CALCR: variants seen among roughly 807,000 people sequenced by gnomAD.
CALCR encodes calcitonin receptor.
A neutral mutation model predicts 59.5 loss-of-function variants in CALCR; 47 were observed. The ratio of observed to expected loss-of-function variants is 0.79; its 90% CI spans 0.63 to 1.01. The LOEUF is 1.01. CALCR is among the 50% of genes least tolerant of loss of function. The pLI, the probability that CALCR is intolerant of heterozygous loss-of-function variation, is 0.00. For synonymous variants in CALCR, 213 were observed against 211.3 expected (o/e 1.01, Z -0.07); for missense variants, 566 against 597.1 (o/e 0.95, Z 0.54).
At chr7:93,560,160 T>G (rs1017061648) in intron 2 of CALCR, among the ~76,000 whole-genome samples, 8 of 152,108 alleles carry the variant, frequency 5.3e-5, no homozygotes, top group Admixed American at 2.6e-4. Context: ...CTTTGAGGAC[T>G]GAACTATGTC....
intron 2 of CALCR, among the ~76,000 whole-genome samples, chr7:93,560,110 A>G: frequency 6.6e-6 from 1 of 152,148 alleles, no homozygotes; most frequent in East Asian, 1.9e-4. Flanking sequence ...GCCCTCTGAA[A>G]GAAAGGAAAA....
chr7:93,461,490 A>G (rs923209444), intron 7 of CALCR, among the ~76,000 whole-genome samples: 43 of 152,124 alleles, frequency 2.8e-4, no homozygotes, highest in African/African-American at 1.0e-3. Context: ...CTTAGATCTT[A>G]TATTTCAACT....
chr7:93,550,156 A>G (rs755619566), intron 2 of CALCR, among the ~76,000 whole-genome samples: 2 of 152,118 alleles, frequency 1.3e-5, no homozygotes, highest in Admixed American at 1.3e-4. Context: ...TTCTATGTAT[A>G]TGGTTTTGTT....
intron 2 of CALCR, among the ~76,000 whole-genome samples, chr7:93,501,169 A>T (rs1212771483): frequency 1.3e-5 from 2 of 152,060 alleles, no homozygotes; most frequent in African/African-American, 4.8e-5. Flanking sequence ...GTTTCCCACC[A>T]TGACCCTAAG....
intron 2 of CALCR, among the ~76,000 whole-genome samples, chr7:93,564,823 G>A (rs1680293278): frequency 6.6e-6 from 1 of 151,970 alleles, no homozygotes; most frequent in African/African-American, 2.4e-5. Context: ...AGCAGGCGTT[G>A]TAGGAATAGG....
intron 2 of CALCR, among the ~76,000 whole-genome samples, chr7:93,526,781 A>G (rs1300326918): frequency 6.6e-6 from 1 of 152,130 alleles, no homozygotes; most frequent in African/African-American, 2.4e-5. Context: ...CAAAAATTTT[A>G]GAAGCTTATT....
intron 2 of CALCR, among the ~76,000 whole-genome samples, chr7:93,538,463 T>G (rs964225266): frequency 2.0e-5 from 3 of 152,068 alleles, no homozygotes; most frequent in African/African-American, 7.2e-5. Context: ...AATTATCATC[T>G]TTTTAATATC....
intron 4 of CALCR, among the ~76,000 whole-genome samples, chr7:93,478,552 T>TG (rs1160495916): frequency 6.6e-6 from 1 of 151,678 alleles, no homozygotes; most frequent in Admixed American, 6.6e-5. Flanking sequence ...TTGCTGGGCA[T>TG]GGTGGCATGC....
intron 2 of CALCR, among the ~76,000 whole-genome samples, chr7:93,515,313 T>C (rs1158953167): frequency 6.6e-6 from 1 of 151,996 alleles, no homozygotes. Flanking sequence ...TATTACCCTA[T>C]GGGAGATGAA....
At chr7:93,430,524 C>T (rs17165408) in intron 13 of CALCR, among the ~76,000 whole-genome samples, 9,212 of 152,144 alleles carry the variant, frequency 0.061, 405 homozygotes, top group Admixed American at 0.14. Flanking sequence ...GGTAACAATA[C>T]CTAAGTATCA....
chr7:93,533,412 C>T (rs1788900147), intron 2 of CALCR, among the ~76,000 whole-genome samples: 1 of 151,930 alleles, frequency 6.6e-6, no homozygotes, highest in African/African-American at 2.4e-5. Context: ...TTCTAGAACT[C>T]TTTCCTCCAG....
chr7:93,435,640 T>C (rs1247381828), intron 12 of CALCR, among the ~76,000 whole-genome samples: 1 of 151,862 alleles, frequency 6.6e-6, no homozygotes, highest in Non-Finnish European at 1.5e-5. Flanking sequence ...AAACCCCGTC[T>C]ACTAAAAATA....
intron 2 of CALCR, among the ~76,000 whole-genome samples, chr7:93,543,827 A>G (rs868695889): frequency 6.6e-6 from 1 of 152,114 alleles, no homozygotes; most frequent in African/African-American, 2.4e-5. Context: ...TGTTAAAGCT[A>G]TCATATTTAA....
chr7:93,464,074 C>T (rs1800393332), intron 7 of CALCR, among the ~76,000 whole-genome samples: 1 of 151,890 alleles, frequency 6.6e-6, no homozygotes. Context: ...AAGGCTAAAG[C>T]AAAAAGTCAT....
chr7:93,495,924 A>C, intron 2 of CALCR: 1 of 1,529,712 alleles, frequency 6.5e-7, no homozygotes, highest in East Asian at 2.5e-5. Context: ...CTCTCCAGAA[A>C]ATTGCATCCT....
chr7:93,479,454 C>T lies in CALCR; in HGVS notation c.105G>A (p.Glu35=), dbSNP rs1470987736. The T allele has an allele frequency of 6.2e-7, 1 of 1,612,344 alleles. No homozygotes were observed. The highest frequency in any genetic ancestry group is 8.5e-7 in the Non-Finnish European group (1 of 1,179,078). Residue 35 remains glutamate (E), a synonymous_variant, in exon 4 of 14, where the codon GAG becomes GAA. Coordinates refer to ENST00000426151, the MANE Select transcript of CALCR (RefSeq NM_001742.4). ...AFSNQTYPTI[E]PKPFLYVVGR... ...CTACGACGTAAAGAAATGGCTTGGG[C>T]TCTATTGTTGGATAGGTTTGATTTG...
chr7:93,432,943 G>A (rs1468115504), intron 13 of CALCR, among the ~76,000 whole-genome samples: 1 of 152,114 alleles, frequency 6.6e-6, no homozygotes, highest in African/African-American at 2.4e-5. Flanking sequence ...TCTAACAGCG[G>A]GCAATGGAAG....
At chr7:93,481,238 G>T (rs1057431960) in intron 3 of CALCR, among the ~76,000 whole-genome samples, 1 of 151,790 alleles carries the variant, frequency 6.6e-6, no homozygotes, top group Non-Finnish European at 1.5e-5. Flanking sequence ...AAGATGTTTT[G>T]TAGATTTTTG....
At chr7:93,574,217 G>C (rs1790066601) in intron 2 of CALCR, 72 bp downstream of exon 2, 2 of 152,238 alleles carry the variant, frequency 1.3e-5, no homozygotes, top group South Asian at 4.1e-4. Context: ...GGTGCCTATA[G>C]CACCTGCACT....
Sources: allele counts gnomAD v4.1 joint callset (sites outside exome capture counted in the v4.1 genomes callset), GRCh38; gene constraint gnomAD v4.1.1; transcripts MANE v1.5; gene names NCBI Gene and HGNC (gene_info 2026-07-23, HGNC 2026-07-21).